The following ADCY3 variants were observed in gnomAD, a reference collection of about 807,000 sequenced individuals.
ADCY3 encodes the protein adenylate cyclase type 3.
ADCY3 carries 70 observed loss-of-function variants against 119.4 expected under a neutral mutation model. The ratio of observed to expected loss-of-function variants is 0.59; its 90% CI spans 0.48 to 0.72. The LOEUF (loss-of-function observed/expected upper bound fraction) is 0.72. Among genes scored for constraint, ADCY3 ranks in the 30% least tolerant of loss-of-function variants. The pLI is 0.00. For synonymous variants in ADCY3, 672 were observed against 621.4 expected, an observed-to-expected ratio of 1.08 and a Z score of -1.21; for missense variants, 1,238 against 1,541.6, an observed-to-expected ratio of 0.80 and a Z score of 3.30.
In ADCY3 at chr2:24,878,791, G is replaced by A. The variant is rs999497474; in HGVS notation, c.676-6072C>T. On this transcript the variant is annotated intron_variant, in intron 2 of 21. Transcript: ENST00000679454. This position sits in a 1 kb window ranked among gnomAD's most constrained non-coding sequence, Gnocchi z 4.0. ...AGACGCCTGTAGAGGCTGCTGCAGT[G>A]GCTCCTTAAGTCCCTATGAAATGTC... 6.6e-6 allele frequency among the ~76,000 whole-genome samples: 1 copy of A among 152,154 alleles called. No individual in the cohort carries two copies. Among genetic ancestry groups the A allele is most frequent in the African/African-American group, 2.4e-5 (1 of 41,440 alleles).
At position 24,878,824 on chromosome 2, in the gene ADCY3, C is replaced by A. The variant is rs1237003333; in HGVS notation, c.676-6105G>T. On this transcript the variant is annotated intron_variant, in intron 2 of 21. Transcript: ENST00000679454. The surrounding 1 kb of genome is among the most constrained non-coding windows in gnomAD (Gnocchi z 4.0). ...AAGTCCCTATGAAATGTCCCTACCC[C>A]TCAGAGGCCTTCCCTGCCCACCCCT... is the stretch of plus-strand genomic sequence containing the variant. Among the ~76,000 whole-genome samples, 2 of 152,208 alleles carry A rather than the reference C, an allele frequency of 1.3e-5. No individual in the cohort carries two copies. Among genetic ancestry groups the A allele is most frequent in the Admixed American group, 6.5e-5 (1 of 15,282 alleles).
intron 3 of ADCY3, among the ~76,000 whole-genome samples, chr2:24,850,296 G>A (rs557726752): frequency 1.2e-3 from 178 of 152,240 alleles, no homozygotes; most frequent in African/African-American, 4.1e-3. Context: ...CGTGATGCTA[G>A]CTACGGACCT....
At chr2:24,825,983 T>C in intron 16 of ADCY3, 62 bp downstream of exon 16, 1 of 1,530,184 alleles carries the variant, frequency 6.5e-7, no homozygotes, top group South Asian at 1.1e-5. Flanking sequence ...GTCCCAGGGC[T>C]GCTTCTCAGG....
intron 13 of ADCY3, among the ~76,000 whole-genome samples, chr2:24,829,412 ATTTTTT>A (rs67246369): frequency 9.4e-5 from 6 of 63,792 alleles, no homozygotes; most frequent in East Asian, 5.5e-4. Flanking sequence ...GTGTGCTCCA[ATTTTTT>A]TTTTTTTTTT....
intron 8 of ADCY3, 88 bp downstream of exon 8, chr2:24,838,357 C>G: frequency 7.3e-7 from 1 of 1,362,254 alleles, no homozygotes; most frequent in East Asian, 2.5e-5. Context: ...GCCACCTCTT[C>G]TGCAATCTTT....
In ADCY3 at chr2:24,822,574, C is replaced by T. The variant is rs776650898; in HGVS notation, c.2940G>A (p.Thr980=). The T allele has an allele frequency of 2.5e-5, 40 of 1,613,958 alleles. No homozygotes were observed. In the Middle Eastern group the frequency reaches 6.6e-4, roughly 27 times the overall value. Residue 980 remains threonine (T), a synonymous_variant, in exon 19 of 22, where the codon ACG becomes ACA. Coordinates refer to ENST00000679454, the MANE Select transcript of ADCY3 (RefSeq NM_004036.5). The part of the protein sequence containing the change: ...VITKIKTIGS[T]YMAASGVTPD... ...GGGTGACTCCTGAAGCCGCCATATA[C>T]GTGCTGCCAATGGTTTTGATCTTGG...
At chr2:24,840,182 G>T in intron 6 of ADCY3, 151 bp from the exon 7 acceptor site, 1 of 1,078,372 alleles carries the variant, frequency 9.3e-7, no homozygotes, top group Non-Finnish European at 1.3e-6. Context: ...TTGGGTGGGG[G>T]GTAAGGCAGG....
At chr2:24,900,889 A>AC (rs1488834371) in intron 2 of ADCY3, among the ~76,000 whole-genome samples, 1 of 152,092 alleles carries the variant, frequency 6.6e-6, no homozygotes, top group African/African-American at 2.4e-5. Flanking sequence ...ACATGGTGAA[A>AC]CCCCATCTCT....
At chr2:24,905,814 G>A (rs576300973) in intron 2 of ADCY3, among the ~76,000 whole-genome samples, 1 of 152,346 alleles carries the variant, frequency 6.6e-6, no homozygotes, top group South Asian at 2.1e-4. Context: ...TTTTGCAGAA[G>A]GAGAAACCAG....
chr2:24,915,448 A>G (rs1010496438), intron 2 of ADCY3, among the ~76,000 whole-genome samples: 1 of 152,126 alleles, frequency 6.6e-6, no homozygotes, highest in Non-Finnish European at 1.5e-5. Context: ...GCAGCAGGGG[A>G]GATGAATGAC....
At chr2:24,830,203 G>A (rs891498266) in intron 13 of ADCY3, among the ~76,000 whole-genome samples, 1 of 151,166 alleles carries the variant, frequency 6.6e-6, no homozygotes, top group African/African-American at 2.4e-5. Flanking sequence ...ACCATGCCTG[G>A]CTAATTTTTG....
chr2:24,884,752 C>T (rs1441815777), intron 2 of ADCY3, among the ~76,000 whole-genome samples: 5 of 152,128 alleles, frequency 3.3e-5, no homozygotes, highest in African/African-American at 1.2e-4. Context: ...GCTGGGATTA[C>T]AGGTGTGAGC....
At chr2:24,847,733 A>C (rs1380001214) in intron 3 of ADCY3, among the ~76,000 whole-genome samples, 2 of 152,256 alleles carry the variant, frequency 1.3e-5, no homozygotes, top group African/African-American at 4.8e-5. Context: ...GGGTTTGCAG[A>C]AAAGATGAGC....
chr2:24,823,446 G>T, intron 17 of ADCY3, 91 bp from the exon 18 acceptor site: 2 of 1,417,918 alleles, frequency 1.4e-6, no homozygotes, highest in Non-Finnish European at 1.9e-6. Context: ...TGCATGACAT[G>T]TGCACTCAGC....
rs779884635 is a variant in ADCY3 at position 24,822,655 on chromosome 2, T to A, written c.2884-25A>T. 2.5e-6 allele frequency: 4 copies of A among 1,612,318 alleles called. No homozygotes were observed. In the South Asian group the frequency reaches 4.4e-5, roughly 18 times the overall value. On this transcript the variant is annotated intron_variant, in intron 18 of 21. Coordinates refer to ENST00000679454, the MANE Select transcript of ADCY3 (RefSeq NM_004036.5). Reference sequence around the variant, plus strand: ...GCTGAGGCCAGGATTCAGGAAAGAATTGTCAGCAGTCAAGGGAGAGGAATG... The same window carrying A: ...GCTGAGGCCAGGATTCAGGAAAGAAATGTCAGCAGTCAAGGGAGAGGAATG...
At chr2:24,832,839 C>T (rs1017290558) in intron 11 of ADCY3, among the ~76,000 whole-genome samples, 8 of 152,164 alleles carry the variant, frequency 5.3e-5, no homozygotes, top group Non-Finnish European at 8.8e-5. Flanking sequence ...CCAAAGCAAA[C>T]TCCTGATCTT....
Position 24,918,648 on chromosome 2 carries a change from C to T in ADCY3, c.340G>A (p.Gly114Arg). Reference sequence around the variant, plus strand: ...AAGAGGATGATGTCCAACACCAGTCCAATTCCAGCCACGGCGAGGGAAGCC... The same window carrying T: ...AAGAGGATGATGTCCAACACCAGTCTAATTCCAGCCACGGCGAGGGAAGCC... ...KLASLAVAGI[G>R]LVLDIILFVL... is the part of the protein sequence containing the mutation. Residue 114 changes from glycine (G) to arginine (R), a missense_variant, in exon 2 of 22, where the codon GGA (glycine) becomes AGA (arginine). Coordinates refer to ENST00000679454, the MANE Select transcript of ADCY3 (RefSeq NM_004036.5). This position sits in a 1 kb window ranked among gnomAD's most constrained non-coding sequence, Gnocchi z 5.4. 1 of 1,614,140 alleles carries T rather than the reference C, an allele frequency of 6.2e-7. No individual in the cohort carries two copies. Among genetic ancestry groups the T allele is most frequent in the Non-Finnish European group, 8.5e-7 (1 of 1,180,026 alleles).
chr2:24,864,375 T>C (rs558005787), intron 3 of ADCY3, among the ~76,000 whole-genome samples: 2 of 152,328 alleles, frequency 1.3e-5, no homozygotes, highest in South Asian at 4.1e-4. Context: ...GCAATTCCAC[T>C]TTTGGGTATA....
chr2:24,888,679 T>C (rs1409026652), intron 2 of ADCY3, among the ~76,000 whole-genome samples: 1 of 152,244 alleles, frequency 6.6e-6, no homozygotes, highest in Non-Finnish European at 1.5e-5. Context: ...TTAGTATTTC[T>C]TGGCTCATAT....
Sources: gnomAD v4.1 joint callset for allele counts (sites outside exome capture counted in the v4.1 genomes callset) on GRCh38, gnomAD v4.1.1 for gene constraint, Gnocchi (gnomAD v3.1) non-coding constraint, MANE v1.5 for transcripts, NCBI Gene and HGNC (gene_info 2026-07-23, HGNC 2026-07-21) for gene names.